The following XNDC1N variants were observed in gnomAD, a reference collection of about 807,000 sequenced individuals.
XNDC1N encodes the protein protein XNDC1N.
the XNDC1N span, among the ~76,000 whole-genome samples, chr11:71,895,184 C>G: frequency 2.0e-5 from 3 of 151,940 alleles, no homozygotes; most frequent in African/African-American, 7.3e-5. Flanking sequence ...CATCAAGCTC[C>G]AAAGAGTAAG....
At chr11:71,913,001 G>C in the XNDC1N span, among the ~76,000 whole-genome samples, 1 of 152,116 alleles carries the variant, frequency 6.6e-6, no homozygotes, top group Non-Finnish European at 1.5e-5. Context: ...TGCACATTAG[G>C]AAGGGTATCA....
At chr11:71,928,524 G>C in the XNDC1N span, 1 of 702,568 alleles carries the variant, frequency 1.4e-6, no homozygotes, top group South Asian at 1.5e-5. Flanking sequence ...TCAAGAAGCT[G>C]CTGTTTTTGA....
the XNDC1N span, among the ~76,000 whole-genome samples, chr11:71,910,312 C>T: frequency 1.3e-5 from 2 of 152,180 alleles, no homozygotes; most frequent in South Asian, 4.1e-4. Flanking sequence ...AGCTGGTTCA[C>T]CTGCTTGGAC....
At chr11:71,925,066 C>T in the XNDC1N span, among the ~76,000 whole-genome samples, 17 of 151,908 alleles carry the variant, frequency 1.1e-4, no homozygotes, top group Middle Eastern at 6.8e-3. Flanking sequence ...TGTTCTTTCT[C>T]TTTCCCATTT....
the XNDC1N span, among the ~76,000 whole-genome samples, chr11:71,909,331 A>C: frequency 0.016 from 2,262 of 141,708 alleles, 48 homozygotes; most frequent in African/African-American, 0.031. Context: ...AGGGGCCCCC[A>C]CAAAGAGGCA....
chr11:71,886,409 G>A, the XNDC1N span, among the ~76,000 whole-genome samples: 1 of 152,070 alleles, frequency 6.6e-6, no homozygotes. Flanking sequence ...GGACCCAGTT[G>A]CCAGGAACAG....
chr11:71,888,811 T>A, the XNDC1N span, among the ~76,000 whole-genome samples: 1 of 152,210 alleles, frequency 6.6e-6, no homozygotes, highest in Non-Finnish European at 1.5e-5. Context: ...ACTACCAGAC[T>A]TTGCTCTGTG....
At chr11:71,907,152 T>G in the XNDC1N span, among the ~76,000 whole-genome samples, 1 of 151,906 alleles carries the variant, frequency 6.6e-6, no homozygotes, top group African/African-American at 2.4e-5. Context: ...AGGATTCACG[T>G]TTCACCACAT....
chr11:71,887,006 A>G, the XNDC1N span, among the ~76,000 whole-genome samples: 4 of 152,164 alleles, frequency 2.6e-5, no homozygotes. Flanking sequence ...AAAAGAAAAC[A>G]AGGTGACTCA....
the XNDC1N span, among the ~76,000 whole-genome samples, chr11:71,874,816 A>T: frequency 1.3e-5 from 2 of 152,238 alleles, no homozygotes; most frequent in Non-Finnish European, 2.9e-5. Context: ...CCTTATGTCT[A>T]TCATTTATTT....
At chr11:71,890,495 C>T in the XNDC1N span, among the ~76,000 whole-genome samples, 1 of 152,070 alleles carries the variant, frequency 6.6e-6, no homozygotes, top group Non-Finnish European at 1.5e-5. Context: ...TCCTCCCGCC[C>T]ACTGGATACT....
the XNDC1N span, among the ~76,000 whole-genome samples, chr11:71,909,867 G>A: frequency 6.6e-6 from 1 of 152,178 alleles, no homozygotes; most frequent in Non-Finnish European, 1.5e-5. Flanking sequence ...ATGGCTCTTT[G>A]CTGGTAAAGT....
chr11:71,921,137 G>A, the XNDC1N span, among the ~76,000 whole-genome samples: 1 of 152,002 alleles, frequency 6.6e-6, no homozygotes, highest in Non-Finnish European at 1.5e-5. Context: ...GACTACAGGT[G>A]TGTGCCACTG....
At chr11:71,889,188 T>C in the XNDC1N span, among the ~76,000 whole-genome samples, 2 of 152,228 alleles carry the variant, frequency 1.3e-5, no homozygotes, top group African/African-American at 4.8e-5. Flanking sequence ...GGTATGTCTT[T>C]TCAACCCTTC....
At chr11:71,920,368 T>G in the XNDC1N span, among the ~76,000 whole-genome samples, 1 of 152,038 alleles carries the variant, frequency 6.6e-6, no homozygotes, top group South Asian at 2.1e-4. Context: ...AGTGCAATGG[T>G]GCGATCTATG....
chr11:71,910,223 G>C, the XNDC1N span, among the ~76,000 whole-genome samples: 864 of 152,344 alleles, frequency 5.7e-3, 5 homozygotes, highest in Non-Finnish European at 7.1e-3. Context: ...ATTTGCGCTT[G>C]CTTCATCAAG....
the XNDC1N span, among the ~76,000 whole-genome samples, chr11:71,899,725 T>G: frequency 0.027 from 3,825 of 141,222 alleles, 1 homozygote; most frequent in African/African-American, 0.064. Context: ...ATTGTCCAAG[T>G]TTTCTCCCCA....
the XNDC1N span, among the ~76,000 whole-genome samples, chr11:71,895,100 G>A: frequency 5.5e-5 from 7 of 126,984 alleles, no homozygotes; most frequent in African/African-American, 2.2e-4. Flanking sequence ...CCTTGCACCT[G>A]TGTGAGTGTG....
At chr11:71,888,480 T>G in the XNDC1N span, among the ~76,000 whole-genome samples, 2 of 152,202 alleles carry the variant, frequency 1.3e-5, no homozygotes. Flanking sequence ...GGAAAACCTC[T>G]GGCAGCCCCA....
Sources: gnomAD v4.1 joint callset for allele counts (sites outside exome capture counted in the v4.1 genomes callset) on GRCh38, gnomAD v4.1.1 for gene constraint, MANE v1.5 for transcripts, NCBI Gene and HGNC (gene_info 2026-07-23, HGNC 2026-07-21) for gene names.